The following DISC1 variants were observed in gnomAD, a reference collection of about 807,000 sequenced individuals.
DISC1 encodes the protein disrupted in schizophrenia 1 protein.
Under a neutral mutation model 84.5 loss-of-function variants are expected in DISC1, and 57 were observed. The ratio of observed to expected loss-of-function variants is 0.67; its 90% CI spans 0.55 to 0.84. The LOEUF (loss-of-function observed/expected upper bound fraction) is 0.84, where lower values mean the gene tolerates loss of function less well. DISC1 is among the 40% of genes least tolerant of loss of function. The pLI is 0.00. For missense variants in DISC1, 1,000 were observed against 1,057.8 expected (o/e 0.95, Z 0.76); for synonymous variants, 411 against 415.2 (o/e 0.99, Z 0.12).
Position 231,824,968 on chromosome 1 carries a change from G to A in DISC1, c.1981+6451G>A, listed in dbSNP as rs114860167. Among the ~76,000 whole-genome samples the A allele has an allele frequency of 8.9e-3, 1,353 of 152,180 alleles. 15 individuals carry two copies. Among genetic ancestry groups the A allele is most frequent in the African/African-American group, 0.031 (1,286 of 41,496 alleles). Reference sequence around the variant, plus strand: ...ATTGAGTACTTACGATATGCTAGGCGCTGTGGCAGGCCCTCATGGTCCAGA... The same window carrying A: ...ATTGAGTACTTACGATATGCTAGGCACTGTGGCAGGCCCTCATGGTCCAGA... On this transcript the variant is annotated intron_variant, in intron 9 of 12. Coordinates refer to ENST00000439617, the MANE Select transcript of DISC1 (RefSeq NM_018662.3).
At chr1:231,692,168 T>C (rs955559762) in intron 1 of DISC1, among the ~76,000 whole-genome samples, 1 of 152,108 alleles carries the variant, frequency 6.6e-6, no homozygotes, top group Non-Finnish European at 1.5e-5. Context: ...GTATTATTGG[T>C]AAAATGGGAA....
Position 231,868,892 on chromosome 1 carries a change from GAAAA to G in DISC1, c.1981+50387_1981+50390del, listed in dbSNP as rs60622045. ...AGAGTAAGACCCTGTCTCTAAAAAGGAAAAAAAAAAAAAAAGAGTTACCGGTTAT... is the reference window on the plus strand; with the variant it reads ...AGAGTAAGACCCTGTCTCTAAAAAGGAAAAAAAAAAAGAGTTACCGGTTAT... On this transcript the variant is annotated intron_variant, in intron 9 of 12. Coordinates refer to ENST00000439617, the MANE Select transcript of DISC1 (RefSeq NM_018662.3). 1.5e-3 allele frequency among the ~76,000 whole-genome samples: 214 copies of G among 141,030 alleles called. 1 individual carries two copies. Among genetic ancestry groups the G allele is most frequent in the East Asian group, 2.1e-3 (10 of 4,852 alleles). The allele number at this position is 141,030 out of a possible 152,430, so 92.5% of individuals were successfully genotyped here. A position where few individuals can be genotyped will look rare whatever the true frequency, so the allele number is the denominator to read the frequency against.
intron 9 of DISC1, among the ~76,000 whole-genome samples, chr1:231,820,927 A>G (rs919064459): frequency 2.0e-5 from 3 of 152,228 alleles, no homozygotes; most frequent in Non-Finnish European, 2.9e-5. Context: ...GGGAACAATT[A>G]GCAGTGTCTC....
chr1:231,968,591 CAAAAAAA>C (rs34437165), intron 10 of DISC1, among the ~76,000 whole-genome samples: 2 of 89,074 alleles, frequency 2.2e-5, no homozygotes, highest in African/African-American at 7.4e-5. Context: ...GACTCCGTCT[CAAAAAAA>C]AAAAAAAAAA....
At chr1:231,650,997 A>G (rs1353245189) in intron 1 of DISC1, among the ~76,000 whole-genome samples, 2 of 152,150 alleles carry the variant, frequency 1.3e-5, no homozygotes, top group African/African-American at 4.8e-5. Context: ...CTTCCTAGCA[A>G]TGGGTTCAAA....
intron 12 of DISC1, among the ~76,000 whole-genome samples, chr1:232,027,384 A>G (rs1300483801): frequency 6.6e-6 from 1 of 152,210 alleles, no homozygotes; most frequent in African/African-American, 2.4e-5. Context: ...CCGGTGATAG[A>G]ATTTCTTGCA....
In DISC1 at chr1:232,035,245, T is replaced by C. The variant is rs114788296; in HGVS notation, c.2426-1447T>C. 7.0e-3 allele frequency among the ~76,000 whole-genome samples: 1,058 copies of C among 151,982 alleles called. 10 individuals are homozygous for C. The highest frequency in any genetic ancestry group is 0.024 in the African/African-American group (1,000 of 41,450). On this transcript the variant is annotated intron_variant, in intron 12 of 12. Transcript: ENST00000439617. ...CAGGCAGACTGCCTGAGGTCAGGGG[T>C]TCAAGACCAATGTGGCCAACATGGT... is the stretch of plus-strand genomic sequence containing the variant.
chr1:231,939,682 C>T (rs1215197563), intron 9 of DISC1, among the ~76,000 whole-genome samples: 1 of 152,156 alleles, frequency 6.6e-6, no homozygotes, highest in Non-Finnish European at 1.5e-5. Flanking sequence ...TTCTTCCAAG[C>T]CCCTGAGTAT....
chr1:231,706,207 G>A (rs1290482576), intron 3 of DISC1, among the ~76,000 whole-genome samples: 1 of 152,142 alleles, frequency 6.6e-6, no homozygotes, highest in East Asian at 1.9e-4. Flanking sequence ...CATTTACATA[G>A]CGTCCTTCTC....
intron 1 of DISC1, among the ~76,000 whole-genome samples, chr1:231,633,314 C>T (rs552896929): frequency 7.9e-5 from 12 of 152,208 alleles, no homozygotes; most frequent in South Asian, 4.2e-4. Context: ...TAGGCTACCC[C>T]GAAAGGCAGA....
chr1:231,974,440 A>C (rs1182714476), intron 10 of DISC1, among the ~76,000 whole-genome samples: 1 of 152,228 alleles, frequency 6.6e-6, no homozygotes, highest in Non-Finnish European at 1.5e-5. Context: ...TCCTCAAAAA[A>C]TGTGAAAATA....
intron 9 of DISC1, among the ~76,000 whole-genome samples, chr1:231,887,203 T>C (rs947278941): frequency 4.6e-5 from 7 of 152,162 alleles, no homozygotes; most frequent in Non-Finnish European, 8.8e-5. Context: ...TAAGTGCACG[T>C]TATTATTCTG....
chr1:231,805,156 G>A (rs2079603536), intron 8 of DISC1, among the ~76,000 whole-genome samples: 1 of 152,132 alleles, frequency 6.6e-6, no homozygotes, highest in African/African-American at 2.4e-5. Flanking sequence ...CACACCTTAA[G>A]TGTGTTTTAG....
intron 9 of DISC1, among the ~76,000 whole-genome samples, chr1:231,858,192 T>G (rs1412570901): frequency 6.6e-6 from 1 of 152,236 alleles, no homozygotes; most frequent in Non-Finnish European, 1.5e-5. Flanking sequence ...CTGAATTTCT[T>G]GTCTTGTCTT....
At position 231,818,418 on chromosome 1, in the gene DISC1, C is replaced by A; in HGVS notation, c.1882C>A (p.Leu628Met). The A allele has an allele frequency of 6.2e-7, 1 of 1,614,152 alleles. No individual in the cohort carries two copies. The highest frequency in any genetic ancestry group is 1.3e-5 in the African/African-American group (1 of 75,038). The change falls in exon 9 of 13, where the codon CTG becomes ATG. Residue 628 changes from leucine (L) to methionine (M), a missense_variant. By Grantham distance (15) the Leu-to-Met change is conservative (BLOSUM62 2). Transcript: ENST00000439617. ...AGGGCTGGAGGGACTCCTCAGCAAG[C>A]TGTTGGTGTTGAGTTCCAGGAATGT... ...REGLEGLLSK[L>M]LVLSSRNVKK...
At chr1:231,924,791 G>C (rs1387996918) in intron 9 of DISC1, among the ~76,000 whole-genome samples, 1 of 151,738 alleles carries the variant, frequency 6.6e-6, no homozygotes, top group Non-Finnish European at 1.5e-5. Context: ...TGAGTAGCTG[G>C]GATTACAGGC....
At chr1:231,987,275 C>T (rs574350541) in intron 10 of DISC1, among the ~76,000 whole-genome samples, 1 of 145,076 alleles carries the variant, frequency 6.9e-6, no homozygotes, top group South Asian at 2.2e-4. Flanking sequence ...CTAGGTTCTA[C>T]CTGCCCCTGA....
intron 9 of DISC1, among the ~76,000 whole-genome samples, chr1:231,885,310 C>T (rs2086603513): frequency 6.6e-6 from 1 of 152,154 alleles, no homozygotes; most frequent in Middle Eastern, 3.2e-3. Context: ...TGTCTTGCCC[C>T]TAGTGTCTGA....
intron 9 of DISC1, among the ~76,000 whole-genome samples, chr1:231,855,926 T>G (rs957146235): frequency 1.3e-5 from 2 of 152,262 alleles, no homozygotes; most frequent in Non-Finnish European, 2.9e-5. Context: ...GCTGCTGTAC[T>G]GTTTAAGCTC....
Sources: allele counts gnomAD v4.1 joint callset (sites outside exome capture counted in the v4.1 genomes callset), GRCh38; gene constraint gnomAD v4.1.1; transcripts MANE v1.5; gene names NCBI Gene and HGNC (gene_info 2026-07-23, HGNC 2026-07-21).